Variants in PRKCA observed in about 807,000 individuals in gnomAD.
PRKCA encodes the protein protein kinase C alpha type.
PRKCA carries 27 observed loss-of-function variants against 87.0 expected under a neutral mutation model. That is an observed-to-expected ratio of 0.31 (90% CI 0.23 to 0.43). The LOEUF (loss-of-function observed/expected upper bound fraction) is 0.43. Among genes scored for constraint, PRKCA ranks in the 20% least tolerant of loss-of-function variants. The pLI, the probability that PRKCA is intolerant of heterozygous loss-of-function variation, is 1.00. For synonymous variants in PRKCA, 329 were observed against 311.1 expected, an observed-to-expected ratio of 1.06 and a Z score of -0.61; for missense variants, 518 against 852.3, an observed-to-expected ratio of 0.61 and a Z score of 4.88.
intron 2 of PRKCA, among the ~76,000 whole-genome samples, chr17:66,490,217 A>T (rs963449875): frequency 6.6e-6 from 1 of 152,312 alleles, no homozygotes; most frequent in Middle Eastern, 3.4e-3. Flanking sequence ...CTAGGTTGAT[A>T]AGTTAAAAAT....
At chr17:66,325,226 GAGTGGGGGAAGCCAACA>G (rs768491885) in intron 2 of PRKCA, among the ~76,000 whole-genome samples, 8 of 152,260 alleles carry the variant, frequency 5.3e-5, no homozygotes, top group Non-Finnish European at 1.0e-4. Flanking sequence ...ATGGGTTGGG[GAGTGGGGGAAGCCAACA>G]ATCCTTTTTA....
intron 3 of PRKCA, among the ~76,000 whole-genome samples, chr17:66,586,613 A>T (rs1969605465): frequency 6.6e-6 from 1 of 152,158 alleles, no homozygotes; most frequent in South Asian, 2.1e-4. Flanking sequence ...CAGACCCTTA[A>T]TGGGAAGCTG....
intron 5 of PRKCA, 48 bp from the exon 6 acceptor site, chr17:66,687,063 A>AT: frequency 6.6e-7 from 1 of 1,511,384 alleles, no homozygotes. Flanking sequence ...AGCGGGCAAT[A>AT]TAGGTCTGTT....
At chr17:66,543,635 C>T (rs1048985596) in intron 3 of PRKCA, among the ~76,000 whole-genome samples, 1 of 152,244 alleles carries the variant, frequency 6.6e-6, no homozygotes, top group African/African-American at 2.4e-5. Flanking sequence ...GAGGAACAAG[C>T]GGATTATTTA....
intron 8 of PRKCA, among the ~76,000 whole-genome samples, chr17:66,707,751 T>C (rs1039490319): frequency 1.3e-5 from 2 of 152,180 alleles, no homozygotes; most frequent in African/African-American, 2.4e-5. Context: ...ATCTCCACTT[T>C]CTGGAAACGA....
At position 66,561,808 on chromosome 17, in the gene PRKCA, A is replaced by G. The variant is rs150024673; in HGVS notation, c.288+65525A>G. The stretch of plus-strand genomic sequence containing the variant: ...TCTGCTAAATGAAAAAGCCATTCAA[A>G]AAAGGACAGATATTAAACGATTATA... On this transcript the variant is annotated intron_variant, in intron 3 of 16. Coordinates refer to ENST00000413366, the MANE Select transcript of PRKCA (RefSeq NM_002737.3). Among the ~76,000 whole-genome samples the G allele has an allele frequency of 6.6e-5, 10 of 152,182 alleles. No homozygotes were observed. The East Asian group carries it at 1.4e-3, about 21-fold the overall frequency.
chr17:66,764,093 G>A (rs1974745554), intron 13 of PRKCA, among the ~76,000 whole-genome samples: 1 of 152,216 alleles, frequency 6.6e-6, no homozygotes, highest in South Asian at 2.1e-4. Context: ...GTTGCTGCTT[G>A]CAAGCTCTGT....
intron 2 of PRKCA, among the ~76,000 whole-genome samples, chr17:66,310,817 C>G (rs1905053264): frequency 6.6e-6 from 1 of 152,166 alleles, no homozygotes; most frequent in Middle Eastern, 3.2e-3. Context: ...CGCCGTTGTC[C>G]TCATCCGCCA....
chr17:66,803,934 C>T lies in PRKCA; in HGVS notation c.1916C>T (p.Pro639Leu). ...ACACGAGGACAGCCCGTCTTAACAC[C>T]ACCTGATCAGCTGGTTATTGCTAAC... ...FFTRGQPVLT[P>L]PDQLVIANID... The change falls in exon 17 of 17, where the codon CCA becomes CTA. Residue 639 changes from proline (P) to leucine (L), a missense_variant. By Grantham distance (98) the Pro-to-Leu change is moderately conservative (BLOSUM62 -3). Transcript: ENST00000413366. This position sits in a 1 kb window ranked among gnomAD's most constrained non-coding sequence, Gnocchi z 4.4. The T allele has an allele frequency of 6.2e-7, 1 of 1,614,026 alleles. No individual in the cohort carries two copies. The highest frequency in any genetic ancestry group is 1.1e-5 in the South Asian group (1 of 91,084).
chr17:66,401,694 C>T (rs1277150969), intron 2 of PRKCA, among the ~76,000 whole-genome samples: 1 of 151,992 alleles, frequency 6.6e-6, no homozygotes, highest in Admixed American at 6.6e-5. Context: ...GAAAACCTGC[C>T]AAATACTTAA....
intron 3 of PRKCA, among the ~76,000 whole-genome samples, chr17:66,626,732 C>T (rs1023679923): frequency 6.6e-6 from 1 of 152,132 alleles, no homozygotes; most frequent in Non-Finnish European, 1.5e-5. Context: ...GTCTCAAACT[C>T]CTGGATTCAA....
chr17:66,345,728 A>G (rs1907319806), intron 2 of PRKCA, among the ~76,000 whole-genome samples: 1 of 152,190 alleles, frequency 6.6e-6, no homozygotes, highest in Non-Finnish European at 1.5e-5. Flanking sequence ...GGCAGGAAAA[A>G]TATATAGAAG....
At chr17:66,431,308 G>A (rs566398066) in intron 2 of PRKCA, among the ~76,000 whole-genome samples, 1 of 152,120 alleles carries the variant, frequency 6.6e-6, no homozygotes, top group Non-Finnish European at 1.5e-5. Flanking sequence ...CTATTTAATA[G>A]CGATGCAAAT....
At chr17:66,625,097 G>A (rs1044088203) in intron 3 of PRKCA, among the ~76,000 whole-genome samples, 1 of 152,098 alleles carries the variant, frequency 6.6e-6, no homozygotes, top group Non-Finnish European at 1.5e-5. Context: ...TTTATATCAC[G>A]AACTACTTTG....
chr17:66,610,053 C>G (rs547407643), intron 3 of PRKCA, among the ~76,000 whole-genome samples: 3 of 152,264 alleles, frequency 2.0e-5, no homozygotes, highest in Admixed American at 6.5e-5. Context: ...AACACTGCCC[C>G]CCACCATCCC....
Position 66,805,381 on chromosome 17 carries a change from C to T in PRKCA, c.*1344C>T, listed in dbSNP as rs892239366. The T allele has an allele frequency of 1.9e-5, 3 of 155,624 alleles. No homozygotes were observed. Among genetic ancestry groups the T allele is most frequent in the African/African-American group, 7.2e-5 (3 of 41,492 alleles). 9.6% of individuals were successfully genotyped at this position (155,624 alleles called of 1,614,324 possible). A position where few individuals can be genotyped will look rare whatever the true frequency, so the allele number is the denominator to read the frequency against. Reference sequence around the variant, plus strand: ...AGTATTATAATAATTTTATAAGACACAATTGTGCTCTATTTGTGCAGGTTC... The same window carrying T: ...AGTATTATAATAATTTTATAAGACATAATTGTGCTCTATTTGTGCAGGTTC... On this transcript the variant is annotated 3_prime_UTR_variant, in exon 17 of 17. Coordinates refer to ENST00000413366, the MANE Select transcript of PRKCA (RefSeq NM_002737.3).
At chr17:66,330,178 T>C (rs1906243940) in intron 2 of PRKCA, among the ~76,000 whole-genome samples, 1 of 151,300 alleles carries the variant, frequency 6.6e-6, no homozygotes. Flanking sequence ...CGATCTCGGC[T>C]CACTGCAACC....
intron 2 of PRKCA, among the ~76,000 whole-genome samples, chr17:66,467,380 G>A (rs1387381146): frequency 6.6e-6 from 1 of 152,114 alleles, no homozygotes; most frequent in Non-Finnish European, 1.5e-5. Flanking sequence ...CTGATTTAAG[G>A]TAAACTGCCT....
Position 66,577,109 on chromosome 17 carries a change from A to G in PRKCA, c.289-64246A>G, listed in dbSNP as rs371756833. ...GGTCTTGAACTTCTGGGCTGAAGCG[A>G]TCTGCCTGCCTCTGCCTCTCAGAGT... On this transcript the variant is annotated intron_variant, in intron 3 of 16. Coordinates refer to ENST00000413366, the MANE Select transcript of PRKCA (RefSeq NM_002737.3). 6.1e-4 allele frequency among the ~76,000 whole-genome samples: 93 copies of G among 152,088 alleles called. 1 individual carries two copies. The highest frequency in any genetic ancestry group is 2.2e-3 in the African/African-American group (93 of 41,486).
Sources: gnomAD v4.1 joint callset for allele counts (sites outside exome capture counted in the v4.1 genomes callset) on GRCh38, gnomAD v4.1.1 for gene constraint, Gnocchi (gnomAD v3.1) non-coding constraint, MANE v1.5 for transcripts, NCBI Gene and HGNC (gene_info 2026-07-23, HGNC 2026-07-21) for gene names.